RBFOX1: variants seen among roughly 807,000 people sequenced by gnomAD.
RBFOX1 encodes RNA binding protein fox-1 homolog 1.
A neutral mutation model predicts 57.7 loss-of-function variants in RBFOX1; 8 were observed. The ratio of observed to expected loss-of-function variants is 0.14; its 90% confidence interval spans 0.08 to 0.25. The LOEUF is 0.25. Ranked by LOEUF, RBFOX1 falls within the 10% of genes least tolerant of loss-of-function variation. The pLI, the probability that RBFOX1 is intolerant of heterozygous loss-of-function variation, is 1.00. For synonymous variants in RBFOX1, 326 were observed against 222.4 expected, an observed-to-expected ratio of 1.47 and a Z score of -4.15; for missense variants, 611 against 548.5, an observed-to-expected ratio of 1.11 and a Z score of -1.14.
intron 1 of RBFOX1, among the ~76,000 whole-genome samples, chr16:6,276,269 A>G (rs901620575): frequency 7.9e-5 from 12 of 152,184 alleles, no homozygotes; most frequent in African/African-American, 2.7e-4. Flanking sequence ...GTGGAATGTC[A>G]CGGAAGTGGT....
At chr16:6,341,029 G>C (rs576652858) in intron 2 of RBFOX1, among the ~76,000 whole-genome samples, 1 of 152,168 alleles carries the variant, frequency 6.6e-6, no homozygotes, top group Non-Finnish European at 1.5e-5. Context: ...ACTGTCTCTA[G>C]GGTCTTGTAG....
In RBFOX1 at chr16:6,930,102, G is replaced by C. The variant is rs527312725; in HGVS notation, c.-15-121955G>C. Among the ~76,000 whole-genome samples the C allele has an allele frequency of 9.2e-5, 14 of 152,272 alleles. No homozygotes were observed. The South Asian group carries it at 2.5e-3, about 27-fold the overall frequency. ...ATGCTGGTTTACTCGGCCTGCTCTT[G>C]AATGTTGAGAAGCTCCATGTGAGCC... On this transcript the variant is annotated intron_variant, in intron 3 of 15. Transcript: ENST00000550418.
At chr16:7,699,230 C>G (rs1028601339) in intron 14 of RBFOX1, among the ~76,000 whole-genome samples, 1 of 151,924 alleles carries the variant, frequency 6.6e-6, no homozygotes, top group Admixed American at 6.6e-5. Context: ...GTCATCCAGG[C>G]TGGAGAGTTC....
chr16:7,178,631 A>G (rs1239963692), intron 4 of RBFOX1, among the ~76,000 whole-genome samples: 1 of 152,194 alleles, frequency 6.6e-6, no homozygotes, highest in Non-Finnish European at 1.5e-5. Flanking sequence ...TCTGAAAGGA[A>G]ACTACTCTTT....
intron 2 of RBFOX1, among the ~76,000 whole-genome samples, chr16:6,473,816 G>A: frequency 6.6e-6 from 1 of 152,138 alleles, no homozygotes; most frequent in East Asian, 1.9e-4. Context: ...AAGTAGAAAG[G>A]GGTGTTCCTT....
chr16:6,064,864 T>C (rs1485578478), intron 1 of RBFOX1, among the ~76,000 whole-genome samples: 2 of 152,054 alleles, frequency 1.3e-5, no homozygotes, highest in East Asian at 3.9e-4. Flanking sequence ...GTATTTGAAT[T>C]GCACACACAC....
At chr16:7,339,180 C>T (rs1398134006) in intron 4 of RBFOX1, among the ~76,000 whole-genome samples, 1 of 152,136 alleles carries the variant, frequency 6.6e-6, no homozygotes, top group Non-Finnish European at 1.5e-5. Context: ...TTCTAGGCTG[C>T]AAAACAAAAG....
intron 4 of RBFOX1, among the ~76,000 whole-genome samples, chr16:7,163,996 G>T (rs1051830548): frequency 1.3e-5 from 2 of 152,110 alleles, no homozygotes; most frequent in African/African-American, 2.4e-5. Context: ...GGTTTTTGGA[G>T]AACAGGAGGT....
At chr16:7,147,285 A>C (rs1485161908) in intron 4 of RBFOX1, among the ~76,000 whole-genome samples, 1 of 148,900 alleles carries the variant, frequency 6.7e-6, no homozygotes, top group Non-Finnish European at 1.5e-5. Context: ...GATTACAGGC[A>C]TGAGCCACCA....
intron 5 of RBFOX1, among the ~76,000 whole-genome samples, chr16:7,519,186 T>C (rs1043814662): frequency 6.6e-6 from 1 of 152,154 alleles, no homozygotes; most frequent in African/African-American, 2.4e-5. Flanking sequence ...TAAATACAAA[T>C]CTTGTGCCCC....
At chr16:7,437,969 T>A (rs572294797) in intron 4 of RBFOX1, among the ~76,000 whole-genome samples, 34 of 152,188 alleles carry the variant, frequency 2.2e-4, no homozygotes, top group African/African-American at 7.7e-4. Context: ...GCTAGGTCTT[T>A]GAAGCTTTTA....
chr16:5,872,393 A>G (rs1325765485), intron 4 of RBFOX1, among the ~76,000 whole-genome samples: 1 of 152,240 alleles, frequency 6.6e-6, no homozygotes, highest in Admixed American at 6.5e-5. Context: ...GGGAATGGTG[A>G]AATAAAGTAC....
chr16:7,508,944 ACAAG>A (rs1456801323), intron 4 of RBFOX1, among the ~76,000 whole-genome samples: 1 of 152,202 alleles, frequency 6.6e-6, no homozygotes, highest in African/African-American at 2.4e-5. Context: ...CTCTCCCTTG[ACAAG>A]CAAGAAAGAC....
chr16:7,519,761 G>C (rs1233175012), intron 5 of RBFOX1: 1 of 969,390 alleles, frequency 1.0e-6, no homozygotes, highest in African/African-American at 1.8e-5. Flanking sequence ...AGGAAAGCAA[G>C]TATTTGTGAA....
intron 2 of RBFOX1, among the ~76,000 whole-genome samples, chr16:5,577,814 T>C (rs2046519699): frequency 6.6e-6 from 1 of 152,214 alleles, no homozygotes; most frequent in African/African-American, 2.4e-5. Flanking sequence ...GTGGAAGACA[T>C]GGTTCTTCTT....
chr16:6,961,347 C>T (rs940168445), intron 3 of RBFOX1, among the ~76,000 whole-genome samples: 9 of 152,180 alleles, frequency 5.9e-5, no homozygotes, highest in Non-Finnish European at 8.8e-5. Context: ...CCTGCGTCCA[C>T]TCCAGACCGT....
chr16:5,348,539 G>C (rs959911688), intron 1 of RBFOX1, among the ~76,000 whole-genome samples: 1 of 152,332 alleles, frequency 6.6e-6, no homozygotes, highest in East Asian at 1.9e-4. Flanking sequence ...AAGTGGAGGA[G>C]CCTGGGTTCA....
rs1332128012 is a variant in RBFOX1 at position 7,502,257 on chromosome 16, A to C, written c.28-15890A>C. 2.0e-5 allele frequency among the ~76,000 whole-genome samples: 3 copies of C among 152,198 alleles called. No individual in the cohort carries two copies. The East Asian group carries it at 5.8e-4, about 29-fold the overall frequency. On this transcript the variant is annotated intron_variant, in intron 4 of 15. Transcript: ENST00000550418. ...CCAACCGATATCTATCATGTCAAAC[A>C]CCTGATTACTATGTGCGGAAGAAAA...
chr16:7,370,816 G>A (rs890476697), intron 4 of RBFOX1, among the ~76,000 whole-genome samples: 1 of 152,184 alleles, frequency 6.6e-6, no homozygotes, highest in South Asian at 2.1e-4. Context: ...CAGGACTGTT[G>A]TCCACAATTA....
Sources: gnomAD v4.1 joint callset for allele counts (sites outside exome capture counted in the v4.1 genomes callset) on GRCh38, gnomAD v4.1.1 for gene constraint, MANE v1.5 for transcripts, NCBI Gene and HGNC (gene_info 2026-07-23, HGNC 2026-07-21) for gene names.